The following DDX46 variants were observed in gnomAD, a reference collection of about 807,000 sequenced individuals.
The protein encoded by DDX46 is DEAD-box helicase 46, also known as probable ATP-dependent RNA helicase DDX46.
A neutral mutation model predicts 134.9 loss-of-function variants in DDX46; 30 were observed. The ratio of observed to expected loss-of-function variants is 0.22; its 90% CI spans 0.17 to 0.30. The LOEUF (loss-of-function observed/expected upper bound fraction) is 0.30. DDX46 is among the 10% of genes least tolerant of loss of function. The pLI is 1.00. For synonymous variants in DDX46, 415 were observed against 404.1 expected, an observed-to-expected ratio of 1.03 and a Z score of -0.32; for missense variants, 622 against 1,248.7, an observed-to-expected ratio of 0.50 and a Z score of 7.56.
At chr5:134,775,266 T>C (rs1304821685) in intron 5 of DDX46, among the ~76,000 whole-genome samples, 2 of 152,146 alleles carry the variant, frequency 1.3e-5, no homozygotes, top group Admixed American at 6.6e-5. Flanking sequence ...TGATATTTCA[T>C]AATTTAGGAT....
chr5:134,804,335 A>G (rs1166794738), intron 15 of DDX46, among the ~76,000 whole-genome samples: 1 of 152,142 alleles, frequency 6.6e-6, no homozygotes, highest in Non-Finnish European at 1.5e-5. Context: ...ACTAAATGAC[A>G]TGGTATATTG....
intron 11 of DDX46, 121 bp from the exon 12 acceptor site, chr5:134,788,392 A>G (rs975605623): frequency 1.4e-6 from 1 of 728,756 alleles, no homozygotes. Flanking sequence ...CCGAGATTCA[A>G]AATAATTAAG....
chr5:134,795,918 T>C, intron 14 of DDX46, 70 bp from the exon 15 acceptor site: 1 of 1,387,998 alleles, frequency 7.2e-7, no homozygotes, highest in Non-Finnish European at 9.9e-7. Flanking sequence ...ACAAATAAAA[T>C]GAATATTTCT....
chr5:134,816,882 T>A (rs1755300151), intron 19 of DDX46: 2 of 318,592 alleles, frequency 6.3e-6, no homozygotes, highest in Non-Finnish European at 1.1e-5. Flanking sequence ...ATCTTAAAGA[T>A]GTATTAATAA....
intron 3 of DDX46, 139 bp downstream of exon 3, chr5:134,767,199 GT>G: frequency 2.8e-6 from 3 of 1,074,474 alleles, no homozygotes; most frequent in East Asian, 5.7e-5. Context: ...TGTTGGCAGT[GT>G]TTTATTTTAA....
chr5:134,806,931 AT>A (rs1755005498), intron 15 of DDX46, among the ~76,000 whole-genome samples: 1 of 152,174 alleles, frequency 6.6e-6, no homozygotes, highest in Non-Finnish European at 1.5e-5. Flanking sequence ...AGAGATATCC[AT>A]TTGGGTACTT....
chr5:134,830,316 G>T lies in DDX46; in HGVS notation c.*1610G>T, dbSNP rs1755703566. 1.3e-5 allele frequency: 2 copies of T among 152,064 alleles called. No homozygotes were observed. The highest frequency in any genetic ancestry group is 4.1e-4 in the South Asian group (2 of 4,828). 9.4% of individuals were successfully genotyped at this position (152,064 alleles called of 1,614,324 possible). A position where few individuals can be genotyped will look rare whatever the true frequency, so the allele number is the denominator to read the frequency against. ...TACAGGCGGTTAAAGTATACAGGAG[G>T]ATGTGCATCGGTTATATGCATATAG... On this transcript the variant is annotated 3_prime_UTR_variant, in exon 23 of 23. Transcript: ENST00000452510.
In DDX46 at chr5:134,770,911, C is replaced by T. The variant is rs1226348178; in HGVS notation, c.359C>T (p.Ser120Phe). The change falls in exon 4 of 23, where the codon TCC becomes TTC. Residue 120 changes from serine to phenylalanine, a missense_variant. Physicochemically the swap from Ser to Phe is radical, Grantham distance 155 (BLOSUM62 -2). Around this residue, in one of 8 missense-constraint regions of DDX46, gnomAD observed 244 missense variants for 349.3 expected, o/e 0.70. Transcript: ENST00000452510. Reference protein sequence around the residue: ...KSKKTENRSRSKEKTDGGESS... With the variant: ...KSKKTENRSRFKEKTDGGESS... ...TTTTATTTTTTTGGTAGATCTAGGT[C>T]CAAAGAGAAAACTGATGGTGGGGAA... 6.3e-7 allele frequency: 1 copy of T among 1,579,754 alleles called. No individual in the cohort carries two copies. Among genetic ancestry groups the T allele is most frequent in the Non-Finnish European group, 8.6e-7 (1 of 1,168,770 alleles).
At position 134,794,874 on chromosome 5, in the gene DDX46, C is replaced by T. The variant is rs770487563; in HGVS notation, c.1651C>T (p.Arg551Cys). Residue 551 changes from arginine (R) to cysteine (C), a missense_variant, in exon 14 of 23, where the codon CGT (arginine) becomes TGT (cysteine). Physicochemically the swap from Arg to Cys is radical, Grantham distance 180 (BLOSUM62 -3). Coordinates refer to ENST00000452510, the MANE Select transcript of DDX46 (RefSeq NM_001300860.2). ...GGTCATGCGCATCGTGGATAATGTT[C>T]GTCCTGATCGACAGACGGTTATGTT... ...PQVMRIVDNV[R>C]PDRQTVMFSA... 25 of 1,614,022 alleles carry T rather than the reference C, an allele frequency of 1.5e-5. No individual in the cohort carries two copies. In the Admixed American group the frequency reaches 3.3e-4, roughly 22 times the overall value.
At chr5:134,771,216 T>C (rs1753757965) in intron 4 of DDX46, among the ~76,000 whole-genome samples, 1 of 151,622 alleles carries the variant, frequency 6.6e-6, no homozygotes, top group Non-Finnish European at 1.5e-5. Flanking sequence ...TGCCTCAGCC[T>C]CCCAAGTAGT....
intron 6 of DDX46, among the ~76,000 whole-genome samples, chr5:134,780,187 T>A (rs1398398432): frequency 1.3e-5 from 2 of 151,666 alleles, no homozygotes; most frequent in South Asian, 4.2e-4. Flanking sequence ...TGTGTGTATG[T>A]ATATATGTAT....
At chr5:134,797,508 A>C (rs892140665) in intron 15 of DDX46, among the ~76,000 whole-genome samples, 1 of 152,136 alleles carries the variant, frequency 6.6e-6, no homozygotes, top group Non-Finnish European at 1.5e-5. Context: ...CCTCTCTATG[A>C]GGCTGCTTGG....
intron 22 of DDX46, among the ~76,000 whole-genome samples, chr5:134,827,980 G>A (rs575560777): frequency 6.6e-6 from 1 of 152,310 alleles, no homozygotes; most frequent in Admixed American, 6.5e-5. Context: ...CAGAAGTGTA[G>A]AAAATTCCAG....
intron 18 of DDX46, among the ~76,000 whole-genome samples, chr5:134,812,763 T>C (rs1334818833): frequency 6.6e-6 from 1 of 151,642 alleles, no homozygotes; most frequent in Non-Finnish European, 1.5e-5. Flanking sequence ...TCAGCCTCCC[T>C]AGTAGCTGGG....
chr5:134,764,309 G>A (rs1753491184), intron 2 of DDX46, among the ~76,000 whole-genome samples: 1 of 149,684 alleles, frequency 6.7e-6, no homozygotes, highest in Admixed American at 6.7e-5. Context: ...TTGAGACAGA[G>A]CCTCACTCTG....
intron 8 of DDX46, 148 bp downstream of exon 8, chr5:134,782,234 G>C (rs943939555): frequency 3.3e-5 from 29 of 892,186 alleles, no homozygotes; most frequent in Non-Finnish European, 4.4e-5. Context: ...GGCCAGCTGC[G>C]GTGGCTCACG....
At chr5:134,793,245 T>C (rs1032022433) in intron 13 of DDX46, among the ~76,000 whole-genome samples, 1 of 152,158 alleles carries the variant, frequency 6.6e-6, no homozygotes. Context: ...TTCAGTGTCA[T>C]GCAGCACTAT....
intron 2 of DDX46, among the ~76,000 whole-genome samples, chr5:134,766,086 G>A (rs1182298866): frequency 1.3e-5 from 2 of 152,114 alleles, no homozygotes; most frequent in Non-Finnish European, 2.9e-5. Flanking sequence ...AGGAGTAGCA[G>A]GATAGAAATT....
intron 2 of DDX46, among the ~76,000 whole-genome samples, chr5:134,765,470 T>C (rs1053051254): frequency 3.3e-5 from 5 of 151,868 alleles, no homozygotes; most frequent in Non-Finnish European, 7.4e-5. Context: ...GGAGACTTGC[T>C]TGAACCTGGG....
Sources: allele counts gnomAD v4.1 joint callset (sites outside exome capture counted in the v4.1 genomes callset), GRCh38; gene constraint gnomAD v4.1.1; regional missense constraint gnomAD v4.1.1; transcripts MANE v1.5; gene names NCBI Gene and HGNC (gene_info 2026-07-23, HGNC 2026-07-21).